Variants in ANKRD44 observed in about 807,000 individuals in gnomAD.
ANKRD44 encodes ankyrin repeat domain 44.
A neutral mutation model predicts 116.0 loss-of-function variants in ANKRD44; 35 were observed. That is an observed-to-expected ratio of 0.30 (90% CI 0.23 to 0.40). The LOEUF (loss-of-function observed/expected upper bound fraction) is 0.40, where lower values mean the gene tolerates loss of function less well. Ranked by LOEUF, ANKRD44 falls within the 10% of genes least tolerant of loss-of-function variation. The probability of loss-of-function intolerance (pLI) is 1.00; values close to 1 mark genes in which losing one functional copy is unlikely to be tolerated. For synonymous variants in ANKRD44, 435 were observed against 461.8 expected, an observed-to-expected ratio of 0.94 and a Z score of 0.74; for missense variants, 1,014 against 1,242.6, an observed-to-expected ratio of 0.82 and a Z score of 2.77.
rs377436037 is a variant in ANKRD44, at chr2:197,080,956, C to T, written c.1538+689G>A. Among the ~76,000 whole-genome samples, 7 of 152,196 alleles carry T rather than the reference C, an allele frequency of 4.6e-5. No individual in the cohort carries two copies. The East Asian group carries it at 1.3e-3, about 29-fold the overall frequency. ...TTACTCAACAGTTATTGAATATTGA[C>T]TATGTGCTAGGCACTGCACTGAGCA... On this transcript the variant is annotated intron_variant, in intron 15 of 27. Transcript: ENST00000282272.
intron 1 of ANKRD44, among the ~76,000 whole-genome samples, chr2:197,309,655 ACT>A (rs2084181736): frequency 6.6e-6 from 1 of 152,270 alleles, no homozygotes; most frequent in African/African-American, 2.4e-5. Flanking sequence ...AGTTCCTTTC[ACT>A]ACCCACGAAT....
At chr2:197,247,233 G>C (rs1027562718) in intron 1 of ANKRD44, among the ~76,000 whole-genome samples, 1 of 152,124 alleles carries the variant, frequency 6.6e-6, no homozygotes, top group Non-Finnish European at 1.5e-5. Flanking sequence ...CAAAGAGATC[G>C]CACGAGAACT....
intron 1 of ANKRD44, among the ~76,000 whole-genome samples, chr2:197,297,253 A>T (rs2105897348): frequency 6.6e-6 from 1 of 152,340 alleles, no homozygotes; most frequent in South Asian, 2.1e-4. Context: ...AAACACTACA[A>T]TTCATACCGA....
At chr2:197,056,283 CAA>C (rs139857438) in intron 16 of ANKRD44, among the ~76,000 whole-genome samples, 1 of 145,820 alleles carries the variant, frequency 6.9e-6, no homozygotes. Context: ...AATTTACACA[CAA>C]AAAAAAAACC....
At chr2:197,283,717 C>T (rs968983344) in intron 1 of ANKRD44, among the ~76,000 whole-genome samples, 2 of 151,984 alleles carry the variant, frequency 1.3e-5, no homozygotes, top group African/African-American at 4.8e-5. Flanking sequence ...ATTGGAATCC[C>T]TTTTACCAAA....
chr2:197,282,580 G>A (rs2083296425), intron 1 of ANKRD44, among the ~76,000 whole-genome samples: 1 of 152,202 alleles, frequency 6.6e-6, no homozygotes. Context: ...AGGTGAAACA[G>A]AGAAGATGCT....
chr2:197,016,333 A>G (rs2076393169), intron 17 of ANKRD44, among the ~76,000 whole-genome samples: 1 of 152,066 alleles, frequency 6.6e-6, no homozygotes, highest in Non-Finnish European at 1.5e-5. Context: ...CGTCAGGTAT[A>G]TTGTCTTGTA....
In ANKRD44 at chr2:197,274,008, T is replaced by TAG. The variant is rs1202436629; in HGVS notation, c.27+36569_27+36570insCT. Among the ~76,000 whole-genome samples the TAG allele has an allele frequency of 9.5e-4, 61 of 64,196 alleles. 9 individuals carry two copies. Among genetic ancestry groups the TAG allele is most frequent in the East Asian group, 1.9e-3 (5 of 2,674 alleles). The allele number at this position is 64,196 out of a possible 152,430, so 42.1% of individuals were successfully genotyped here. ...ATATATATATATATATATATATATATATATATATATATATATATATGAATC... is the reference window on the plus strand; with the variant it reads ...ATATATATATATATATATATATATATAGATATATATATATATATATATGAATC... On this transcript the variant is annotated intron_variant, in intron 1 of 27. Coordinates refer to ENST00000282272, the MANE Select transcript of ANKRD44 (RefSeq NM_001195144.2).
In ANKRD44 at chr2:197,273,975, AAAAAAATATATATATATATATATATATAT is replaced by A. The variant is rs1188317034; in HGVS notation, c.27+36574_27+36602del. ...CAACCAACCACAAAAAAAAAAAAAA[AAAAAAATATATATATATATATATATATAT>A]ATATATATATATATATATATATATG... On this transcript the variant is annotated intron_variant, in intron 1 of 27. Transcript: ENST00000282272. Among the ~76,000 whole-genome samples, 418 of 54,476 alleles carry A rather than the reference AAAAAAATATATATATATATATATATATAT, an allele frequency of 7.7e-3. 18 individuals carry two copies. Among genetic ancestry groups the A allele is most frequent in the East Asian group, 0.02 (52 of 2,662 alleles). The allele number at this position is 54,476 out of a possible 152,430, so 35.7% of individuals were successfully genotyped here. A position where few individuals can be genotyped will look rare whatever the true frequency, so the allele number is the denominator to read the frequency against.
At chr2:197,031,886 ATC>A (rs372418704) in intron 16 of ANKRD44, among the ~76,000 whole-genome samples, 77 of 152,246 alleles carry the variant, frequency 5.1e-4, no homozygotes, top group African/African-American at 1.6e-3. Flanking sequence ...TTCAAAACCA[ATC>A]TCTGTTACAT....
At chr2:197,017,726 C>G (rs1349346922) in intron 17 of ANKRD44, among the ~76,000 whole-genome samples, 1 of 152,236 alleles carries the variant, frequency 6.6e-6, no homozygotes, top group Non-Finnish European at 1.5e-5. Context: ...CTTGCTCCAT[C>G]TGCAGCCTTT....
In ANKRD44 at chr2:197,118,637, G is replaced by GAGAAAGAAAGAAAGAAAGAA. The variant is rs71012953; in HGVS notation, c.906+2675_906+2694dup. Among the ~76,000 whole-genome samples, 826 of 112,378 alleles carry GAGAAAGAAAGAAAGAAAGAA rather than the reference G, an allele frequency of 7.4e-3. 15 individuals carry two copies. Among genetic ancestry groups the GAGAAAGAAAGAAAGAAAGAA allele is most frequent in the African/African-American group, 0.012 (373 of 30,032 alleles). The allele number at this position is 112,378 out of a possible 152,430, so 73.7% of individuals were successfully genotyped here. On this transcript the variant is annotated intron_variant, in intron 8 of 27. Transcript: ENST00000282272. ...AGAAAGAGAGAGAGAGAGAGAGAGAGAGAAAGAAAGAAAGAAAGAAAGAAA... is the reference window on the plus strand; with the variant it reads ...AGAAAGAGAGAGAGAGAGAGAGAGAGAGAAAGAAAGAAAGAAAGAAAGAAAGAAAGAAAGAAAGAAAGAAA...
At chr2:196,985,254 G>A (rs1417398918), downstream of ANKRD44, among the ~76,000 whole-genome samples, 1 of 152,194 alleles carries the variant, frequency 6.6e-6, no homozygotes, top group African/African-American at 2.4e-5. Context: ...TACAGGCTGT[G>A]AGAGACCCTG....
intron 9 of ANKRD44, among the ~76,000 whole-genome samples, chr2:197,103,791 G>A (rs1298969531): frequency 1.3e-5 from 2 of 152,128 alleles, no homozygotes; most frequent in Non-Finnish European, 2.9e-5. Flanking sequence ...ATCCAAGATA[G>A]TCAGTACTAG....
intron 3 of ANKRD44, among the ~76,000 whole-genome samples, chr2:197,137,079 A>T (rs760044047): frequency 2.6e-5 from 4 of 152,180 alleles, no homozygotes; most frequent in Non-Finnish European, 5.9e-5. Flanking sequence ...AAATGAATTC[A>T]CAGGAAGCAG....
intron 2 of ANKRD44, among the ~76,000 whole-genome samples, chr2:197,153,240 A>T (rs1190513538): frequency 9.3e-6 from 1 of 108,024 alleles, no homozygotes; most frequent in Non-Finnish European, 2.2e-5. Flanking sequence ...AAAAAAAAAA[A>T]AAAAAAAGAA....
At chr2:197,170,877 T>C (rs958670578) in intron 2 of ANKRD44, among the ~76,000 whole-genome samples, 1 of 152,122 alleles carries the variant, frequency 6.6e-6, no homozygotes, top group Admixed American at 6.5e-5. Flanking sequence ...GCCTTAGTTT[T>C]CTCCCCTAGT....
intron 2 of ANKRD44, among the ~76,000 whole-genome samples, chr2:197,152,160 C>G (rs2079669128): frequency 6.6e-6 from 1 of 152,198 alleles, no homozygotes; most frequent in African/African-American, 2.4e-5. Flanking sequence ...ACCAGAGCAG[C>G]ATTAACCTAT....
chr2:197,117,851 G>A (rs2078750240), intron 8 of ANKRD44, among the ~76,000 whole-genome samples: 1 of 151,990 alleles, frequency 6.6e-6, no homozygotes, highest in African/African-American at 2.4e-5. Flanking sequence ...TCTTCTCTAG[G>A]TCCACTATAC....
Sources: allele counts gnomAD v4.1 joint callset (sites outside exome capture counted in the v4.1 genomes callset), GRCh38; gene constraint gnomAD v4.1.1; transcripts MANE v1.5; gene names NCBI Gene and HGNC (gene_info 2026-07-23, HGNC 2026-07-21).